The following TTC6 variants were observed in gnomAD, a reference collection of about 807,000 sequenced individuals.
TTC6 encodes tetratricopeptide repeat domain 6.
In TTC6, 172 loss-of-function variants were observed where a neutral mutation model predicts 210.4. That is an observed-to-expected ratio of 0.82 (90% CI 0.72 to 0.93). The LOEUF is 0.93. Among genes scored for constraint, TTC6 ranks in the 40% least tolerant of loss-of-function variants. The pLI is 0.00. For synonymous variants in TTC6, 804 were observed against 819.6 expected (o/e 0.98, Z 0.32); for missense variants, 2,414 against 2,318.1 (o/e 1.04, Z -0.85).
At chr14:37,672,792 G>T (rs2095760787) in intron 1 of TTC6, among the ~76,000 whole-genome samples, 2 of 143,700 alleles carry the variant, frequency 1.4e-5, no homozygotes. Flanking sequence ...TTGATGACTT[G>T]ATTTAAGCAA....
chr14:37,838,958 C>G (rs2096204071), intron 29 of TTC6, among the ~76,000 whole-genome samples: 1 of 152,226 alleles, frequency 6.6e-6, no homozygotes, highest in African/African-American at 2.4e-5. Flanking sequence ...CCAGCTTCAT[C>G]CATGTCCCTG....
intron 10 of TTC6, among the ~76,000 whole-genome samples, chr14:37,746,530 C>A (rs552979438): frequency 1.6e-4 from 24 of 152,208 alleles, no homozygotes; most frequent in African/African-American, 4.3e-4. Context: ...TTTTAACAAG[C>A]CTTTGGGTAA....
rs746931272 is a variant in TTC6 at position 37,680,196 on chromosome 14, C to T, written c.985C>T (p.Gln329Ter). ...AATGTACCTCAAAACATCACCTATG[C>T]AAGCAGAAACACCTGAGATACAAGC... The change falls in exon 2 of 31, where the codon CAA (glutamine) becomes TAA (stop). Residue 329 changes from glutamine (Q) to a stop codon, truncating the protein, a stop_gained. Transcript: ENST00000553443. LOFTEE classifies it high-confidence loss of function. 2.3e-5 allele frequency: 35 copies of T among 1,534,140 alleles called. No individual in the cohort carries two copies. Among genetic ancestry groups the T allele is most frequent in the Non-Finnish European group, 2.6e-5 (30 of 1,145,908 alleles).
In TTC6 at chr14:37,724,951, A is replaced by G. The variant is rs989523099; in HGVS notation, c.1767A>G (p.Lys589=). 11 of 1,529,652 alleles carry G rather than the reference A, an allele frequency of 7.2e-6. No individual in the cohort carries two copies. In the African/African-American group the frequency reaches 1.2e-4, roughly 17 times the overall value. The allele number at this position is 1,529,652 out of a possible 1,614,324, so 94.8% of individuals were successfully genotyped here. A position where few individuals can be genotyped will look rare whatever the true frequency, so the allele number is the denominator to read the frequency against. The change falls in exon 7 of 31, where the codon AAA becomes AAG. Residue 589 remains lysine, a synonymous_variant. Coordinates refer to ENST00000553443, the Ensembl canonical transcript of TTC6. ...TGTTTTGGAATACAGCTGCACCTAA[A>G]TTCTCTGTTCCAGAATCTGTCATGA...
intron 1 of TTC6, among the ~76,000 whole-genome samples, chr14:37,639,442 T>C (rs2095687342): frequency 6.6e-6 from 1 of 152,232 alleles, no homozygotes; most frequent in Non-Finnish European, 1.5e-5. Flanking sequence ...ACAAATGATA[T>C]AATAATTAAG....
chr14:37,633,821 A>T (rs145050471), intron 1 of TTC6, among the ~76,000 whole-genome samples: 1 of 152,276 alleles, frequency 6.6e-6, no homozygotes, highest in Non-Finnish European at 1.5e-5. Flanking sequence ...GGATCAGCAG[A>T]GGCCTAGTGG....
chr14:37,752,399 T>C (rs1255130134), intron 13 of TTC6, among the ~76,000 whole-genome samples: 3 of 152,102 alleles, frequency 2.0e-5, no homozygotes, highest in Non-Finnish European at 4.4e-5. Flanking sequence ...ACCAAAAAGC[T>C]CTTTTGAAGA....
At chr14:37,794,088 G>A (rs892326545) in intron 17 of TTC6, among the ~76,000 whole-genome samples, 4 of 152,152 alleles carry the variant, frequency 2.6e-5, no homozygotes, top group South Asian at 2.1e-4. Context: ...TGAGATCTGC[G>A]AATGAGCCTC....
chr14:37,604,774 C>T (rs2095621995), intron 1 of TTC6, among the ~76,000 whole-genome samples: 2 of 152,202 alleles, frequency 1.3e-5, no homozygotes, highest in Admixed American at 1.3e-4. Context: ...GATGAGAAAG[C>T]AAGACTCTTG....
chr14:37,736,137 G>A, intron 8 of TTC6, 127 bp downstream of exon 10: 1 of 581,370 alleles, frequency 1.7e-6, no homozygotes, highest in South Asian at 2.3e-5. Flanking sequence ...TGTAATCCCG[G>A]CATTTTGGGA....
intron 3 of TTC6, among the ~76,000 whole-genome samples, chr14:37,692,229 A>AAAAAAAAAAAAAAAAAAAAC: frequency 6.8e-6 from 1 of 148,098 alleles, no homozygotes; most frequent in Non-Finnish European, 1.5e-5. Flanking sequence ...AAAAAAAAAA[A>AAAAAAAAAAAAAAAAAAAAC]AAAGAAAAAA....
At chr14:37,730,120 T>C (rs982215688) in intron 7 of TTC6, among the ~76,000 whole-genome samples, 3 of 152,192 alleles carry the variant, frequency 2.0e-5, no homozygotes, top group African/African-American at 7.2e-5. Flanking sequence ...ATTGACTCTT[T>C]CTTCAAAGAC....
At chr14:37,725,071 G>T (rs1221278378) in intron 7 of TTC6, 69 bp downstream of exon 9, 6 of 895,544 alleles carry the variant, frequency 6.7e-6, no homozygotes, top group African/African-American at 1.7e-5. Context: ...TGTATAATTG[G>T]CTATGACATT....
intron 1 of TTC6, among the ~76,000 whole-genome samples, chr14:37,669,328 C>G (rs1032504853): frequency 1.3e-5 from 2 of 152,142 alleles, no homozygotes; most frequent in South Asian, 4.1e-4. Context: ...CATCCTAACC[C>G]TGTTTGAGTA....
At chr14:37,760,322 C>A (rs2095980283) in intron 14 of TTC6, among the ~76,000 whole-genome samples, 1 of 152,164 alleles carries the variant, frequency 6.6e-6, no homozygotes, top group Non-Finnish European at 1.5e-5. Context: ...CTGGGTATCA[C>A]CAGTGGAGGC....
intron 1 of TTC6, among the ~76,000 whole-genome samples, chr14:37,633,034 G>C (rs902127354): frequency 1.3e-5 from 2 of 152,212 alleles, no homozygotes; most frequent in African/African-American, 4.8e-5. Flanking sequence ...AGAATTTTAA[G>C]CCAGTGGATC....
rs373221270 is a variant in TTC6 at position 37,819,566 on chromosome 14, T to A, written c.4763+1915T>A. ...CCCAATTTAGTCACCACGAGTGTTATGGTAGAATTAATTTTTAGAACTGAG... is the reference window on the plus strand; with the variant it reads ...CCCAATTTAGTCACCACGAGTGTTAAGGTAGAATTAATTTTTAGAACTGAG... On this transcript the variant is annotated intron_variant, in intron 26 of 30. Transcript: ENST00000553443. Among the ~76,000 whole-genome samples, 23 of 152,330 alleles carry A rather than the reference T, an allele frequency of 1.5e-4. No homozygotes were observed. The East Asian group carries it at 3.9e-3, about 26-fold the overall frequency.
intron 3 of TTC6, among the ~76,000 whole-genome samples, chr14:37,690,709 C>G (rs889701124): frequency 6.6e-6 from 1 of 152,220 alleles, no homozygotes; most frequent in African/African-American, 2.4e-5. Context: ...GCACCCAACA[C>G]TGGAGTGCCC....
At chr14:37,612,635 C>T (rs1240607466) in intron 2 of TTC6, among the ~76,000 whole-genome samples, 2 of 152,114 alleles carry the variant, frequency 1.3e-5, no homozygotes, top group African/African-American at 2.4e-5. Flanking sequence ...CATGATATGT[C>T]TCCATTTATG....
Sources: allele counts gnomAD v4.1 joint callset (sites outside exome capture counted in the v4.1 genomes callset), GRCh38; gene constraint gnomAD v4.1.1; transcripts MANE v1.5; gene names NCBI Gene and HGNC (gene_info 2026-07-23, HGNC 2026-07-21).